Variants in H2BC12 observed in about 807,000 individuals in gnomAD.
H2BC12 encodes H2B clustered histone 12.
In H2BC12, 6 loss-of-function variants were observed where a neutral mutation model predicts 6.3. The observed-to-expected ratio is 0.95, with a 90% CI of 0.52 to 1.87. The LOEUF is 1.87. H2BC12 is among the 40% of genes most tolerant of loss of function. The pLI, the probability that H2BC12 is intolerant of heterozygous loss-of-function variation, is 0.01. For missense variants in H2BC12, 119 were observed against 178.4 expected (o/e 0.67, Z 1.90); for synonymous variants, 132 against 78.5 (o/e 1.68, Z -3.60).
the H2BC12 span, chr6:27,139,335 G>T: frequency 6.2e-7 from 1 of 1,612,882 alleles, no homozygotes; most frequent in African/African-American, 1.3e-5. Context: ...AAGGAGGTAA[G>T]GGCCTGGGGA....
At chr6:27,145,293 A>AACAC (rs573829681), downstream of H2BC12, among the ~76,000 whole-genome samples, 1 of 91,436 alleles carries the variant, frequency 1.1e-5, no homozygotes, top group Non-Finnish European at 2.2e-5. Flanking sequence ...AAATATGTTA[A>AACAC]ATACACACAC....
chr6:27,145,359 C>T (rs1467984994), downstream of H2BC12, among the ~76,000 whole-genome samples: 1 of 151,220 alleles, frequency 6.6e-6, no homozygotes, highest in Non-Finnish European at 1.5e-5. Flanking sequence ...GTGAAACTGG[C>T]CTACATTTCT....
the H2BC12 span, among the ~76,000 whole-genome samples, chr6:27,141,113 A>G: frequency 1.7e-4 from 26 of 152,040 alleles, no homozygotes; most frequent in Admixed American, 1.7e-3. Flanking sequence ...ATTGGATAGT[A>G]AGGCTTTTCT....
At chr6:27,143,846 TAAAAAA>T (rs34292040), downstream of H2BC12, among the ~76,000 whole-genome samples, 10 of 113,586 alleles carry the variant, frequency 8.8e-5, no homozygotes, top group East Asian at 2.4e-4. Flanking sequence ...AACTACTCTT[TAAAAAA>T]AAAAAAAAAA....
chr6:27,140,984 C>T, the H2BC12 span, among the ~76,000 whole-genome samples: 2 of 150,964 alleles, frequency 1.3e-5, no homozygotes, highest in African/African-American at 4.9e-5. Flanking sequence ...TTTTTGAATG[C>T]TGCCTTTTCA....
At chr6:27,139,732 CAG>C in the H2BC12 span, 10 of 1,421,006 alleles carry the variant, frequency 7.0e-6, no homozygotes, top group Non-Finnish European at 9.4e-6. Context: ...GGGCCATTGT[CAG>C]TGAGTTCTGT....
At chr6:27,144,563 C>A (rs558145788), downstream of H2BC12, among the ~76,000 whole-genome samples, 31 of 150,486 alleles carry the variant, frequency 2.1e-4, no homozygotes, top group Non-Finnish European at 4.1e-4. Flanking sequence ...AAAGTTATGG[C>A]CACTTCCACC....
In H2BC12 at chr6:27,146,803, A is replaced by G. The variant is rs752455219; in HGVS notation, c.-5T>C. 2 of 1,613,584 alleles carry G rather than the reference A, an allele frequency of 1.2e-6. No individual in the cohort carries two copies. The highest frequency in any genetic ancestry group is 1.7e-6 in the Non-Finnish European group (2 of 1,179,744). ...GGACTTCGCTGGTTCCGGCATGTTG[A>G]AGGCGAACTACGAGCCTGAGACGAG... On this transcript the variant is annotated 5_prime_UTR_variant, in exon 1 of 1. Transcript: ENST00000356950.
downstream of H2BC12, among the ~76,000 whole-genome samples, chr6:27,143,719 G>A (rs190767384): frequency 4.1e-3 from 614 of 151,556 alleles, 8 homozygotes; most frequent in African/African-American, 0.012. Context: ...TTTCCCAAAG[G>A]ATGGGAGAAT....
downstream of H2BC12, among the ~76,000 whole-genome samples, chr6:27,143,283 CAG>C (rs1480565756): frequency 1.3e-5 from 2 of 151,976 alleles, no homozygotes; most frequent in African/African-American, 4.8e-5. Flanking sequence ...ACAAAGGAGA[CAG>C]AGGTTGCAGT....
the H2BC12 span, chr6:27,138,588 CTGCAGTAGATAA>C: frequency 6.6e-6 from 1 of 152,208 alleles, no homozygotes; most frequent in Admixed American, 6.5e-5. Flanking sequence ...GTCTTCTTTT[CTGCAGTAGATAA>C]TGAGGTAACC....
chr6:27,139,716 T>G, the H2BC12 span: 2 of 1,471,998 alleles, frequency 1.4e-6, no homozygotes, highest in African/African-American at 1.4e-5. Context: ...ACTGAGTCTC[T>G]TAATAGGGCC....
chr6:27,140,300 TTAAC>T, the H2BC12 span, among the ~76,000 whole-genome samples: 92 of 152,358 alleles, frequency 6.0e-4, no homozygotes, highest in African/African-American at 1.7e-3. Context: ...CTATCTAGAA[TTAAC>T]TAATATTCTA....
chr6:27,141,524 A>T (rs1367308949), downstream of H2BC12, among the ~76,000 whole-genome samples: 3 of 152,190 alleles, frequency 2.0e-5, no homozygotes. Context: ...AATATTCTTA[A>T]TCACACTCTC....
At chr6:27,139,980 C>T in the H2BC12 span, 2 of 219,700 alleles carry the variant, frequency 9.1e-6, no homozygotes, top group African/African-American at 4.7e-5. Flanking sequence ...TCAAATACGT[C>T]TCAGGAGATA....
chr6:27,138,445 A>G, the H2BC12 span: 1 of 152,224 alleles, frequency 6.6e-6, no homozygotes. Flanking sequence ...GGAACAGTAA[A>G]TGATTATTAG....
downstream of H2BC12, among the ~76,000 whole-genome samples, chr6:27,145,248 G>A (rs989781406): frequency 1.3e-5 from 2 of 150,820 alleles, no homozygotes; most frequent in African/African-American, 4.9e-5. Flanking sequence ...CCTAAGGGCG[G>A]GCAATATCCC....
At chr6:27,141,963 A>ATT (rs1760011948), downstream of H2BC12, among the ~76,000 whole-genome samples, 2 of 152,190 alleles carry the variant, frequency 1.3e-5, no homozygotes, top group Non-Finnish European at 2.9e-5. Flanking sequence ...TGACTGAGGG[A>ATT]GTAAGTGTTT....
chr6:27,141,296 T>G, the H2BC12 span, among the ~76,000 whole-genome samples: 1 of 152,116 alleles, frequency 6.6e-6, no homozygotes, highest in African/African-American at 2.4e-5. Context: ...ACTGAAAGTT[T>G]GTTGAAAATT....
Sources: allele counts gnomAD v4.1 joint callset (sites outside exome capture counted in the v4.1 genomes callset), GRCh38; gene constraint gnomAD v4.1.1; transcripts MANE v1.5; gene names NCBI Gene and HGNC (gene_info 2026-07-23, HGNC 2026-07-21).